The following GALNT9 variants were observed in gnomAD, a reference collection of about 807,000 sequenced individuals.
GALNT9 encodes the protein GalNAc transferase 9.
In GALNT9, 47 loss-of-function variants were observed where a neutral mutation model predicts 63.1. That is an observed-to-expected ratio of 0.75 (90% CI 0.59 to 0.95). GALNT9 has a LOEUF of 0.95. Ranked by LOEUF, GALNT9 falls within the 40% of genes least tolerant of loss-of-function variation. GALNT9 has a pLI of 0.00. For synonymous variants in GALNT9, 396 were observed against 365.7 expected (o/e 1.08, Z -0.94); for missense variants, 829 against 874.8 (o/e 0.95, Z 0.66).
intron 4 of GALNT9, 130 bp from the exon 5 acceptor site, chr12:132,258,016 G>A (rs747347524): frequency 7.4e-5 from 49 of 663,814 alleles, no homozygotes; most frequent in Non-Finnish European, 1.1e-4. Flanking sequence ...CCCCTGCTGA[G>A]CTAGACCCAC....
At chr12:132,317,747 C>T (rs1555245830) in intron 1 of GALNT9, among the ~76,000 whole-genome samples, 1 of 152,184 alleles carries the variant, frequency 6.6e-6, no homozygotes, top group Non-Finnish European at 1.5e-5. Flanking sequence ...GCCCCTCCAG[C>T]CCCGGGGCCC....
intron 1 of GALNT9, among the ~76,000 whole-genome samples, chr12:132,299,561 C>A (rs1201753404): frequency 7.3e-6 from 1 of 136,750 alleles, no homozygotes; most frequent in Non-Finnish European, 1.6e-5. Context: ...TAAGCCACTG[C>A]TGAGATAACC....
intron 1 of GALNT9, among the ~76,000 whole-genome samples, chr12:132,317,892 C>T (rs1169002420): frequency 3.3e-5 from 5 of 152,220 alleles, no homozygotes; most frequent in Non-Finnish European, 7.3e-5. Context: ...CCCTGGCGCT[C>T]CACAGGGTCG....
chr12:132,254,104 C>T (rs1419348205), intron 5 of GALNT9, among the ~76,000 whole-genome samples: 2 of 152,038 alleles, frequency 1.3e-5, no homozygotes, highest in African/African-American at 2.4e-5. Flanking sequence ...TCACTATAAC[C>T]TCTGCCTCCT....
chr12:132,262,930 T>A (rs1879459077), intron 2 of GALNT9, among the ~76,000 whole-genome samples: 1 of 151,792 alleles, frequency 6.6e-6, no homozygotes, highest in African/African-American at 2.4e-5. Context: ...AGAGAGAAAC[T>A]AGTAACAGTA....
Position 132,257,896 on chromosome 12 carries a change from C to T in GALNT9, c.762-10G>A. On this transcript the variant is annotated splice_polypyrimidine_tract_variant and intron_variant, in intron 4 of 10. Coordinates refer to ENST00000328957, the MANE Select transcript of GALNT9 (RefSeq NM_001122636.2). ...CAGTGCGGGCTCGGCCCTGCGGAGG[C>T]ACAGCTGTGAGGAGGGGCGGCCCCA... The T allele has an allele frequency of 1.3e-6, 2 of 1,516,614 alleles. No homozygotes were observed. Among genetic ancestry groups the T allele is most frequent in the Middle Eastern group, 1.8e-4 (1 of 5,586 alleles). The allele number at this position is 1,516,614 out of a possible 1,614,324, so 93.9% of individuals were successfully genotyped here.
chr12:132,203,827 T>G, intron 6 of GALNT9, 137 bp from the exon 7 acceptor site: 1 of 884,112 alleles, frequency 1.1e-6, no homozygotes, highest in Non-Finnish European at 1.7e-6. Flanking sequence ...GCCTGGTGGG[T>G]CCCGGGGCTT....
intron 6 of GALNT9, among the ~76,000 whole-genome samples, chr12:132,235,651 G>A (rs1877975788): frequency 6.6e-6 from 1 of 152,184 alleles, no homozygotes; most frequent in South Asian, 2.1e-4. Flanking sequence ...CAGCGGCCCT[G>A]GCGGCCAGCC....
intron 2 of GALNT9, among the ~76,000 whole-genome samples, chr12:132,281,125 G>A (rs60779675): frequency 0.11 from 16,275 of 152,262 alleles, 2,889 homozygotes; most frequent in African/African-American, 0.37. Flanking sequence ...TCGCTGAGCC[G>A]CGCCGGGATA....
chr12:132,197,975 C>T lies in GALNT9; in HGVS notation c.1498-16G>A. 6.3e-7 allele frequency: 1 copy of T among 1,595,570 alleles called. No individual in the cohort carries two copies. ...ACCGCACCAGCTGGGGACAGGACCA[C>T]CGGGACTGTGTGTGAGCAGCGCCCA... On this transcript the variant is annotated splice_polypyrimidine_tract_variant and intron_variant, in intron 9 of 10. Coordinates refer to ENST00000328957, the MANE Select transcript of GALNT9 (RefSeq NM_001122636.2).
rs576158048 is a variant in GALNT9 at position 132,198,807 on chromosome 12, A to G, written c.1497+367T>C. On this transcript the variant is annotated intron_variant, in intron 9 of 10. Transcript: ENST00000328957. ...GCTGGGAATACGGGCATGCCCCACC[A>G]TGCCCGGCTAATTTTTGTATTTTTT... Among the ~76,000 whole-genome samples, 11 of 152,210 alleles carry G rather than the reference A, an allele frequency of 7.2e-5. No individual in the cohort carries two copies. In the South Asian group the frequency reaches 1.9e-3, roughly 26 times the overall value.
At chr12:132,248,558 G>T (rs570951156) in intron 5 of GALNT9, among the ~76,000 whole-genome samples, 1 of 152,186 alleles carries the variant, frequency 6.6e-6, no homozygotes, top group Non-Finnish European at 1.5e-5. Context: ...TGAGTCACTT[G>T]CCCGCCTCCC....
Position 132,310,775 on chromosome 12 carries a change from G to A in GALNT9, c.238+18191C>T, listed in dbSNP as rs1881784067. On this transcript the variant is annotated intron_variant, in intron 1 of 10. Coordinates refer to ENST00000328957, the MANE Select transcript of GALNT9 (RefSeq NM_001122636.2). This position sits in a 1 kb window ranked among gnomAD's most constrained non-coding sequence, Gnocchi z 4.8. ...GGCAGAGGGAGCGCGCGCTGGGAAG[G>A]TGGGAGCCACGCTGTCCTCCCACGC... Among the ~76,000 whole-genome samples the A allele has an allele frequency of 6.6e-6, 1 of 152,140 alleles. No individual in the cohort carries two copies. The highest frequency in any genetic ancestry group is 1.5e-5 in the Non-Finnish European group (1 of 68,020).
In GALNT9 at chr12:132,197,144, C is replaced by T; in HGVS notation, c.1775G>A (p.Trp592Ter). ...LVVQRCSGQK[W>*]MIRNWIKHAR... ...GTGTTTGATCCAGTTTCTGATCATC[C>T]ACTTCTGCCCCGAGCACCTCTGTAC... Residue 592 changes from tryptophan to a stop codon, truncating the protein, a stop_gained, in exon 11 of 11, where the codon TGG (tryptophan) becomes TAG (stop). Coordinates refer to ENST00000328957, the MANE Select transcript of GALNT9 (RefSeq NM_001122636.2). LOFTEE classifies it high-confidence loss of function. 2.5e-6 allele frequency: 4 copies of T among 1,614,128 alleles called. No individual in the cohort carries two copies. Among genetic ancestry groups the T allele is most frequent in the Non-Finnish European group, 3.4e-6 (4 of 1,180,000 alleles).
intron 1 of GALNT9, among the ~76,000 whole-genome samples, chr12:132,299,810 A>C (rs1302703120): frequency 1.5e-5 from 2 of 134,520 alleles, no homozygotes; most frequent in Non-Finnish European, 3.2e-5. Flanking sequence ...TCCCATAACT[A>C]ACCCACTCCC....
intron 6 of GALNT9, among the ~76,000 whole-genome samples, chr12:132,243,290 CGG>C (rs1878526675): frequency 7.2e-6 from 1 of 138,334 alleles, no homozygotes; most frequent in South Asian, 2.2e-4. Flanking sequence ...ACACACTTCC[CGG>C]GGCCCTCCCT....
intron 2 of GALNT9, among the ~76,000 whole-genome samples, chr12:132,267,790 C>CA (rs1879674778): frequency 3.0e-5 from 3 of 100,378 alleles, no homozygotes; most frequent in African/African-American, 1.4e-4. Context: ...CGCACACACA[C>CA]GCACTCACAC....
rs1869093577 is a variant in GALNT9 at position 132,327,626 on chromosome 12, T to C, written c.238+1340A>G. ...TCTGCCGGGCGGCTGGGCGGCTGCT[T>C]GAACTACTTTTCTCCCCTCGTGGCT... is the stretch of plus-strand genomic sequence containing the variant. On this transcript the variant is annotated intron_variant, in intron 1 of 10. Coordinates refer to ENST00000328957, the MANE Select transcript of GALNT9 (RefSeq NM_001122636.2). This position sits in a 1 kb window ranked among gnomAD's most constrained non-coding sequence, Gnocchi z 4.3. Among the ~76,000 whole-genome samples, 1 of 152,116 alleles carries C rather than the reference T, an allele frequency of 6.6e-6. No homozygotes were observed. Among genetic ancestry groups the C allele is most frequent in the Non-Finnish European group, 1.5e-5 (1 of 68,008 alleles).
intron 10 of GALNT9, 132 bp from the exon 11 acceptor site, chr12:132,197,385 T>C (rs1875589866): frequency 3.7e-6 from 5 of 1,339,570 alleles, no homozygotes; most frequent in Middle Eastern, 2.2e-4. Context: ...AAAGCCAGCA[T>C]CACAGCAGCA....
Sources: gnomAD v4.1 joint callset for allele counts (sites outside exome capture counted in the v4.1 genomes callset) on GRCh38, gnomAD v4.1.1 for gene constraint, Gnocchi (gnomAD v3.1) non-coding constraint, MANE v1.5 for transcripts, NCBI Gene and HGNC (gene_info 2026-07-23, HGNC 2026-07-21) for gene names.